Variants in C12orf50 observed in about 807,000 individuals in gnomAD.
C12orf50 encodes zinc finger CCCH-type containing 11D, also known as uncharacterized protein C12orf50.
A neutral mutation model predicts 61.6 loss-of-function variants in C12orf50; 35 were observed. The observed-to-expected ratio is 0.57, with a 90% CI of 0.43 to 0.75. The LOEUF (loss-of-function observed/expected upper bound fraction) is 0.75, where lower values mean the gene tolerates loss of function less well. C12orf50 is among the 30% of genes least tolerant of loss of function. C12orf50 has a pLI of 0.00. For missense variants in C12orf50, 475 were observed against 488.5 expected, an observed-to-expected ratio of 0.97 and a Z score of 0.26; for synonymous variants, 178 against 161.5, an observed-to-expected ratio of 1.10 and a Z score of -0.77.
intron 3 of C12orf50, among the ~76,000 whole-genome samples, chr12:88,005,937 G>A (rs1328754044): frequency 7.2e-5 from 8 of 110,768 alleles, no homozygotes; most frequent in African/African-American, 2.4e-4. Context: ...TTTTTTTTGA[G>A]ACGGAGTCTT....
At chr12:88,009,720 T>G (rs2032025867) in intron 3 of C12orf50, among the ~76,000 whole-genome samples, 1 of 152,136 alleles carries the variant, frequency 6.6e-6, no homozygotes, top group Non-Finnish European at 1.5e-5. Context: ...TCTCTGGCCT[T>G]TCTTGTTGAT....
chr12:88,018,661 G>A (rs777064071), intron 3 of C12orf50, among the ~76,000 whole-genome samples: 3 of 152,164 alleles, frequency 2.0e-5, no homozygotes, highest in Non-Finnish European at 4.4e-5. Context: ...CCAGGAGCAG[G>A]GGCTCTACCC....
chr12:88,006,002 C>T (rs556748403), intron 3 of C12orf50, among the ~76,000 whole-genome samples: 19 of 150,460 alleles, frequency 1.3e-4, no homozygotes, highest in Admixed American at 6.6e-4. Context: ...CTGCAAGCTC[C>T]GCCTCCCGGG....
intron 12 of C12orf50, among the ~76,000 whole-genome samples, chr12:87,982,347 A>G (rs1458682067): frequency 6.6e-6 from 1 of 152,176 alleles, no homozygotes; most frequent in Admixed American, 6.6e-5. Flanking sequence ...GGAAAATGGA[A>G]AACAGTTATC....
chr12:88,014,745 C>T (rs1252259368), intron 3 of C12orf50, among the ~76,000 whole-genome samples: 1 of 152,138 alleles, frequency 6.6e-6, no homozygotes, highest in African/African-American at 2.4e-5. Flanking sequence ...TCTATTCGGC[C>T]AGTTTTTATG....
At chr12:88,001,184 T>C (rs779640040) in intron 3 of C12orf50, among the ~76,000 whole-genome samples, 1 of 151,808 alleles carries the variant, frequency 6.6e-6, no homozygotes, top group African/African-American at 2.4e-5. Flanking sequence ...GTTTCTAGCT[T>C]GTGGAATATT....
At chr12:88,000,139 T>C (rs11104711) in intron 3 of C12orf50, among the ~76,000 whole-genome samples, 5,940 of 152,170 alleles carry the variant, frequency 0.039, 189 homozygotes, top group Non-Finnish European at 0.066. Context: ...ATTTCCTTTT[T>C]AAAGTGATCC....
chr12:88,019,795 G>T (rs2032448820), intron 3 of C12orf50, among the ~76,000 whole-genome samples: 1 of 151,046 alleles, frequency 6.6e-6, no homozygotes, highest in Admixed American at 6.6e-5. Context: ...GGAGAGAAGG[G>T]TAGGTTACCT....
intron 3 of C12orf50, among the ~76,000 whole-genome samples, chr12:88,014,546 G>T (rs554012780): frequency 6.6e-6 from 1 of 152,052 alleles, no homozygotes; most frequent in African/African-American, 2.4e-5. Flanking sequence ...TGATCCGCCC[G>T]CCTCGGCCTC....
In C12orf50 at chr12:87,986,066, G is replaced by T; in HGVS notation, c.923-13C>A. The T allele has an allele frequency of 6.2e-7, 1 of 1,610,686 alleles. No individual in the cohort carries two copies. The highest frequency in any genetic ancestry group is 1.3e-5 in the African/African-American group (1 of 74,916). ...GGGGCCTGTACTGCTGTAAAGAAAG[G>T]TGGGAGGGAGTGAGGAATAAAACAG... On this transcript the variant is annotated splice_polypyrimidine_tract_variant and intron_variant, in intron 10 of 12. Transcript: ENST00000298699.
At chr12:88,026,374 C>T in intron 3 of C12orf50, 114 bp downstream of exon 3, 1 of 1,168,008 alleles carries the variant, frequency 8.6e-7, no homozygotes, top group Non-Finnish European at 1.2e-6. Context: ...TACCCATTGG[C>T]TATTAAATTG....
At chr12:88,006,670 T>C (rs2031897549) in intron 3 of C12orf50, among the ~76,000 whole-genome samples, 1 of 152,196 alleles carries the variant, frequency 6.6e-6, no homozygotes, top group African/African-American at 2.4e-5. Context: ...TTTTGCTTTA[T>C]GCTTGGGGCT....
chr12:88,010,480 G>A (rs570944654), intron 3 of C12orf50, among the ~76,000 whole-genome samples: 3 of 146,182 alleles, frequency 2.1e-5, no homozygotes, highest in Admixed American at 2.0e-4. Flanking sequence ...CTTATAATAA[G>A]ATTATAAGAT....
intron 12 of C12orf50, among the ~76,000 whole-genome samples, chr12:87,981,577 C>T (rs1048115184): frequency 6.6e-6 from 1 of 152,092 alleles, no homozygotes; most frequent in Non-Finnish European, 1.5e-5. Context: ...CTCAGTTTCT[C>T]CTTGGCTCTC....
At chr12:87,982,780 A>G (rs1018321265) in intron 12 of C12orf50, among the ~76,000 whole-genome samples, 2 of 151,238 alleles carry the variant, frequency 1.3e-5, no homozygotes, top group Admixed American at 6.6e-5. Context: ...AGTTTTACAC[A>G]TTTGCTTCGC....
intron 9 of C12orf50, 148 bp downstream of exon 9, chr12:87,987,702 A>G: frequency 1.7e-6 from 1 of 591,890 alleles, no homozygotes; most frequent in Middle Eastern, 4.5e-4. Context: ...GTTAGTTAGT[A>G]GAGGATATTG....
intron 3 of C12orf50, among the ~76,000 whole-genome samples, chr12:88,010,165 C>T (rs1047244966): frequency 2.6e-5 from 4 of 151,936 alleles, no homozygotes; most frequent in East Asian, 3.9e-4. Context: ...CTACTCTGTC[C>T]CACTCACCAA....
rs762909895 is a variant in C12orf50 at position 88,002,515 on chromosome 12, GA to G, written c.134-4326del. On this transcript the variant is annotated intron_variant, in intron 3 of 12. Transcript: ENST00000298699. Reference sequence around the variant, plus strand: ...AGGTCTAGTTGCTTTACAGTTGTTCGAGTCTTTTATTTTCTTGTTTATAATT... The same window carrying G: ...AGGTCTAGTTGCTTTACAGTTGTTCGGTCTTTTATTTTCTTGTTTATAATT... 5.9e-5 allele frequency among the ~76,000 whole-genome samples: 9 copies of G among 151,734 alleles called. No homozygotes were observed. In the South Asian group the frequency reaches 1.9e-3, roughly 31 times the overall value.
chr12:88,028,429 T>G (rs2136512752), intron 1 of C12orf50, among the ~76,000 whole-genome samples: 1 of 152,332 alleles, frequency 6.6e-6, no homozygotes, highest in South Asian at 2.1e-4. Context: ...AATATTGAGT[T>G]TCTACCTTTA....
Sources: gnomAD v4.1 joint callset for allele counts (sites outside exome capture counted in the v4.1 genomes callset) on GRCh38, gnomAD v4.1.1 for gene constraint, MANE v1.5 for transcripts, NCBI Gene and HGNC (gene_info 2026-07-23, HGNC 2026-07-21) for gene names.